The following SMG6 variants were observed in gnomAD, a reference collection of about 807,000 sequenced individuals.
The protein encoded by SMG6 is SMG6 nonsense mediated mRNA decay factor, also known as telomerase-binding protein EST1A.
A neutral mutation model predicts 142.2 loss-of-function variants in SMG6; 66 were observed. The observed-to-expected ratio is 0.46, with a 90% CI of 0.38 to 0.57. The LOEUF is 0.57. Ranked by LOEUF, SMG6 falls within the 20% of genes least tolerant of loss-of-function variation. The pLI, the probability that SMG6 is intolerant of heterozygous loss-of-function variation, is 0.00. For missense variants in SMG6, 1,793 were observed against 1,832.0 expected (o/e 0.98, Z 0.39); for synonymous variants, 779 against 702.4 (o/e 1.11, Z -1.72).
chr17:2,191,729 A>G (rs577789421), intron 10 of SMG6, among the ~76,000 whole-genome samples: 10 of 152,334 alleles, frequency 6.6e-5, no homozygotes, highest in Admixed American at 5.9e-4. Flanking sequence ...CCTATGGCCA[A>G]ATACCGGCTC....
intron 17 of SMG6, 125 bp from the exon 18 acceptor site, chr17:2,065,279 G>A (rs553789775): frequency 5.3e-5 from 53 of 998,888 alleles, no homozygotes; most frequent in African/African-American, 3.5e-4. Flanking sequence ...CCATGCATGC[G>A]CTGGCCCTGC....
chr17:2,250,594 C>T (rs1259521432), intron 8 of SMG6, among the ~76,000 whole-genome samples: 2 of 151,944 alleles, frequency 1.3e-5, no homozygotes, highest in Non-Finnish European at 2.9e-5. Flanking sequence ...ACTATATTGC[C>T]AAGGAGTCTC....
intron 13 of SMG6, among the ~76,000 whole-genome samples, chr17:2,098,400 C>T (rs1236380983): frequency 2.0e-5 from 3 of 152,196 alleles, no homozygotes; most frequent in Admixed American, 1.3e-4. Context: ...ACATCTTTTC[C>T]TTCACCAAGG....
intron 10 of SMG6, among the ~76,000 whole-genome samples, chr17:2,211,970 C>A (rs977895020): frequency 5.3e-5 from 8 of 152,194 alleles, no homozygotes; most frequent in African/African-American, 1.7e-4. Flanking sequence ...CCACAGAGAT[C>A]TGAAAACCTG....
At chr17:2,227,144 A>G (rs552186242) in intron 10 of SMG6, among the ~76,000 whole-genome samples, 6 of 152,380 alleles carry the variant, frequency 3.9e-5, no homozygotes, top group East Asian at 3.9e-4. Context: ...AAATGGTCCA[A>G]CCACCACAGA....
chr17:2,080,553 C>G (rs2068389022), intron 15 of SMG6, among the ~76,000 whole-genome samples: 1 of 152,252 alleles, frequency 6.6e-6, no homozygotes, highest in South Asian at 2.1e-4. Flanking sequence ...GTGCCATGCA[C>G]TATGCTAAGT....
At chr17:2,140,398 A>G (rs2070440968) in intron 13 of SMG6, among the ~76,000 whole-genome samples, 1 of 152,236 alleles carries the variant, frequency 6.6e-6, no homozygotes, top group African/African-American at 2.4e-5. Flanking sequence ...CAGGCCGGGT[A>G]CGATGGCTCA....
intron 13 of SMG6, among the ~76,000 whole-genome samples, chr17:2,152,465 G>A (rs1219974507): frequency 6.6e-6 from 1 of 152,132 alleles, no homozygotes; most frequent in East Asian, 1.9e-4. Flanking sequence ...CCTGACAAAG[G>A]ATTTGCATCC....
At chr17:2,298,623 CAGG>C (rs1489507371) in intron 2 of SMG6, among the ~76,000 whole-genome samples, 1 of 150,670 alleles carries the variant, frequency 6.6e-6, no homozygotes, top group Non-Finnish European at 1.5e-5. Context: ...GAGGCTGAGG[CAGG>C]AGAATGGTAT....
At chr17:2,151,058 G>A (rs528613825) in intron 13 of SMG6, among the ~76,000 whole-genome samples, 7 of 152,294 alleles carry the variant, frequency 4.6e-5, no homozygotes, top group South Asian at 2.1e-4. Flanking sequence ...TTACAGGAAC[G>A]CTGGACCGAG....
chr17:2,188,579 T>TGG, intron 10 of SMG6, 64 bp from the exon 11 acceptor site: 7 of 1,410,708 alleles, frequency 5.0e-6, no homozygotes, highest in South Asian at 3.5e-5. Flanking sequence ...ACTGGCCACG[T>TGG]TACCGAGCTT....
chr17:2,125,605 C>T (rs552667098), intron 13 of SMG6, among the ~76,000 whole-genome samples: 34 of 152,170 alleles, frequency 2.2e-4, no homozygotes, highest in African/African-American at 7.7e-4. Context: ...CAATGCAGTT[C>T]CTATCAAAAT....
intron 10 of SMG6, among the ~76,000 whole-genome samples, chr17:2,232,480 G>C (rs1418456553): frequency 3.3e-5 from 5 of 152,160 alleles, no homozygotes; most frequent in Non-Finnish European, 7.4e-5. Context: ...CTCGGTGAGA[G>C]CTGGCTTTCC....
At chr17:2,245,340 G>A (rs2073904731) in intron 8 of SMG6, among the ~76,000 whole-genome samples, 1 of 152,186 alleles carries the variant, frequency 6.6e-6, no homozygotes, top group Non-Finnish European at 1.5e-5. Context: ...TCCAGTTTTG[G>A]CCAAATCCTC....
intron 13 of SMG6, among the ~76,000 whole-genome samples, chr17:2,099,202 C>T (rs986018356): frequency 1.3e-5 from 2 of 152,094 alleles, no homozygotes; most frequent in African/African-American, 4.8e-5. Flanking sequence ...ACTGCCTATA[C>T]TGTGTCAATC....
intron 8 of SMG6, among the ~76,000 whole-genome samples, chr17:2,274,073 C>G (rs1356471970): frequency 6.6e-6 from 1 of 152,232 alleles, no homozygotes; most frequent in African/African-American, 2.4e-5. Flanking sequence ...AATCCACCAT[C>G]TGTCTTTGTA....
intron 8 of SMG6, among the ~76,000 whole-genome samples, chr17:2,279,414 T>G (rs2074733434): frequency 6.6e-6 from 1 of 152,172 alleles, no homozygotes; most frequent in Non-Finnish European, 1.5e-5. Flanking sequence ...GACCTGATTG[T>G]AAGAGCACAC....
chr17:2,154,426 AACAG>A (rs1228311908), intron 13 of SMG6, among the ~76,000 whole-genome samples: 10 of 152,212 alleles, frequency 6.6e-5, no homozygotes, highest in African/African-American at 2.2e-4. Flanking sequence ...AACACTATAA[AACAG>A]ACAAAGATTT....
chr17:2,287,686 G>C (rs903890378), intron 6 of SMG6, among the ~76,000 whole-genome samples: 1 of 152,146 alleles, frequency 6.6e-6, no homozygotes, highest in Non-Finnish European at 1.5e-5. Context: ...ATAAAATGTG[G>C]TATATATACA....
Sources: gnomAD v4.1 joint callset for allele counts (sites outside exome capture counted in the v4.1 genomes callset) on GRCh38, gnomAD v4.1.1 for gene constraint, MANE v1.5 for transcripts, NCBI Gene and HGNC (gene_info 2026-07-23, HGNC 2026-07-21) for gene names.